HMBOX1: variants seen among roughly 807,000 people sequenced by gnomAD.
The protein encoded by HMBOX1 is homeobox containing 1.
A neutral mutation model predicts 54.5 loss-of-function variants in HMBOX1; 14 were observed. The observed-to-expected ratio is 0.26, with a 90% CI of 0.17 to 0.40. The LOEUF (loss-of-function observed/expected upper bound fraction) is 0.40, where lower values mean the gene tolerates loss of function less well. HMBOX1 is among the 10% of genes least tolerant of loss of function. HMBOX1 has a pLI of 1.00. For synonymous variants in HMBOX1, 160 were observed against 181.0 expected (o/e 0.88, Z 0.93); for missense variants, 332 against 514.4 (o/e 0.65, Z 3.43).
chr8:28,898,829 G>T (rs924157360), intron 1 of HMBOX1, among the ~76,000 whole-genome samples: 8 of 152,180 alleles, frequency 5.3e-5, no homozygotes. Flanking sequence ...TGCATTGCAT[G>T]ACCACCATGA....
chr8:28,971,991 A>G (rs1047358410), intron 3 of HMBOX1, among the ~76,000 whole-genome samples: 2 of 152,220 alleles, frequency 1.3e-5, no homozygotes, highest in Admixed American at 1.3e-4. Context: ...TAATAGTGAC[A>G]CATAATAATA....
intron 1 of HMBOX1, among the ~76,000 whole-genome samples, chr8:28,942,681 T>C (rs1821665941): frequency 6.6e-6 from 1 of 152,238 alleles, no homozygotes; most frequent in Non-Finnish European, 1.5e-5. Flanking sequence ...CTGTTTCATA[T>C]TAGCACATAA....
At chr8:28,931,104 A>T (rs1004816543) in intron 1 of HMBOX1, among the ~76,000 whole-genome samples, 1 of 152,210 alleles carries the variant, frequency 6.6e-6, no homozygotes, top group African/African-American at 2.4e-5. Flanking sequence ...AATGTTAACT[A>T]AAAAAGTGAT....
chr8:28,897,762 CTG>C (rs1390576764), intron 1 of HMBOX1, among the ~76,000 whole-genome samples: 1 of 152,190 alleles, frequency 6.6e-6, no homozygotes, highest in African/African-American at 2.4e-5. Flanking sequence ...ATGTTAGAAT[CTG>C]TGTTAGATAA....
Position 29,045,446 on chromosome 8 carries a change from A to G in HMBOX1, c.934+3A>G, listed in dbSNP as rs1805428983. 6.2e-7 allele frequency: 1 copy of G among 1,612,656 alleles called. No individual in the cohort carries two copies. Among genetic ancestry groups the G allele is most frequent in the South Asian group, 1.1e-5 (1 of 91,052 alleles). On this transcript the variant is annotated splice_donor_region_variant and intron_variant, in intron 7 of 9. Transcript: ENST00000287701. ...CAATGCAGTTATACAGAAGCCAGGT[A>G]AGGTCGCAGGCACAGCCTTGCTCTG...
chr8:29,019,619 T>A (rs904324986), intron 6 of HMBOX1, among the ~76,000 whole-genome samples: 1 of 152,220 alleles, frequency 6.6e-6, no homozygotes, highest in African/African-American at 2.4e-5. Context: ...GTTCCAGCTG[T>A]ACATTTTTCT....
rs954930027 is a variant in HMBOX1, at chr8:29,052,912, A to G, written c.*1757A>G. ...GAAAACAATTTCTAAGATAAAAGGAAGGTGCCATTTCCTTACCTCTTCACC... is the reference window on the plus strand; with the variant it reads ...GAAAACAATTTCTAAGATAAAAGGAGGGTGCCATTTCCTTACCTCTTCACC... On this transcript the variant is annotated 3_prime_UTR_variant, in exon 10 of 10. Transcript: ENST00000287701. 3 of 152,262 alleles carry G rather than the reference A, an allele frequency of 2.0e-5. No individual in the cohort carries two copies. Among genetic ancestry groups the G allele is most frequent in the African/African-American group, 4.8e-5 (2 of 41,458 alleles). 9.4% of individuals were successfully genotyped at this position (152,262 alleles called of 1,614,324 possible).
intron 7 of HMBOX1, 135 bp downstream of exon 7, chr8:29,045,578 G>A: frequency 1.5e-6 from 1 of 684,230 alleles, no homozygotes. Flanking sequence ...TCCGCAGGTG[G>A]CCAGTGCCCT....
intron 3 of HMBOX1, among the ~76,000 whole-genome samples, chr8:28,977,287 C>T (rs1418351487): frequency 6.6e-6 from 1 of 152,114 alleles, no homozygotes; most frequent in Non-Finnish European, 1.5e-5. Flanking sequence ...CCATTTAATT[C>T]TTTTCCCCCA....
chr8:28,938,167 TAAAAAC>T (rs1820720249), intron 1 of HMBOX1, among the ~76,000 whole-genome samples: 1 of 152,218 alleles, frequency 6.6e-6, no homozygotes, highest in South Asian at 2.1e-4. Context: ...ATCTATATGT[TAAAAAC>T]AAAGAGCAGT....
chr8:29,019,790 G>T (rs1315023906), intron 6 of HMBOX1, among the ~76,000 whole-genome samples: 2 of 152,086 alleles, frequency 1.3e-5, no homozygotes, highest in Non-Finnish European at 2.9e-5. Context: ...TAAGACTTTT[G>T]CCATCTCTCA....
At chr8:29,043,150 A>C (rs536954459) in intron 6 of HMBOX1, among the ~76,000 whole-genome samples, 1 of 152,210 alleles carries the variant, frequency 6.6e-6, no homozygotes, top group South Asian at 2.1e-4. Context: ...GCCCCATCCC[A>C]CCTTTCCAGG....
chr8:28,941,633 C>T (rs1375611585), intron 1 of HMBOX1, among the ~76,000 whole-genome samples: 2 of 152,066 alleles, frequency 1.3e-5, no homozygotes, highest in East Asian at 3.9e-4. Context: ...GTGTTGGTTC[C>T]CAGCAGAGCC....
At chr8:28,914,050 T>TA (rs1431921789) in intron 1 of HMBOX1, among the ~76,000 whole-genome samples, 1 of 151,882 alleles carries the variant, frequency 6.6e-6, no homozygotes. Flanking sequence ...TCTGTATTTT[T>TA]AGAGACGGGG....
chr8:28,947,358 G>T (rs539686784), intron 1 of HMBOX1, among the ~76,000 whole-genome samples: 1 of 152,272 alleles, frequency 6.6e-6, no homozygotes, highest in African/African-American at 2.4e-5. Context: ...CTGCCCACCT[G>T]GTTATTCTGA....
At chr8:28,893,970 G>T (rs771794312) in intron 1 of HMBOX1, among the ~76,000 whole-genome samples, 3 of 152,168 alleles carry the variant, frequency 2.0e-5, no homozygotes, top group Non-Finnish European at 2.9e-5. Flanking sequence ...TATTTATGTA[G>T]AATGTTGTCA....
intron 1 of HMBOX1, among the ~76,000 whole-genome samples, chr8:28,928,133 CA>C (rs1282994181): frequency 0.035 from 4,736 of 135,494 alleles, 210 homozygotes; most frequent in African/African-American, 0.12. Flanking sequence ...GACTCCGTCT[CA>C]AAAAAAAAAA....
intron 4 of HMBOX1, among the ~76,000 whole-genome samples, chr8:28,991,085 C>T (rs1055049651): frequency 1.3e-5 from 2 of 152,166 alleles, no homozygotes; most frequent in South Asian, 4.1e-4. Flanking sequence ...TTATTTCTTT[C>T]TTAAATGTCT....
At chr8:28,940,142 A>G (rs1157328272) in intron 1 of HMBOX1, among the ~76,000 whole-genome samples, 1 of 152,026 alleles carries the variant, frequency 6.6e-6, no homozygotes, top group Non-Finnish European at 1.5e-5. Context: ...CTGATAGCTA[A>G]GATTACATTC....
Sources: gnomAD v4.1 joint callset for allele counts (sites outside exome capture counted in the v4.1 genomes callset) on GRCh38, gnomAD v4.1.1 for gene constraint, MANE v1.5 for transcripts, NCBI Gene and HGNC (gene_info 2026-07-23, HGNC 2026-07-21) for gene names.